PLEKHA5: variants seen among roughly 807,000 people sequenced by gnomAD.
PLEKHA5 encodes the protein pleckstrin homology domain-containing family A member 5.
In PLEKHA5, 55 loss-of-function variants were observed where a neutral mutation model predicts 181.9. That is an observed-to-expected ratio of 0.30 (90% CI 0.24 to 0.38). The LOEUF (loss-of-function observed/expected upper bound fraction) is 0.38. Ranked by LOEUF, PLEKHA5 falls within the 10% of genes least tolerant of loss-of-function variation. The pLI, the probability that PLEKHA5 is intolerant of heterozygous loss-of-function variation, is 1.00. For missense variants in PLEKHA5, 1,432 were observed against 1,549.5 expected (o/e 0.92, Z 1.27); for synonymous variants, 535 against 529.4 (o/e 1.01, Z -0.15).
intron 15 of PLEKHA5, among the ~76,000 whole-genome samples, chr12:19,299,799 TC>T (rs1188029884): frequency 6.6e-6 from 1 of 152,178 alleles, no homozygotes; most frequent in Non-Finnish European, 1.5e-5. Context: ...CATTTGATCT[TC>T]CTAAAGCTCC....
chr12:19,283,339 C>T lies in PLEKHA5; in HGVS notation c.1373C>T (p.Ala458Val), dbSNP rs773997429. ...CCAAGTCACAGAGCCCAGATTATGG[C>T]CCGCTACCCTGAAGGTTATAGAACA... ...NMPSHRAQIM[A>V]RYPEGYRTLP... Residue 458 changes from alanine (A) to valine (V), a missense_variant, in exon 12 of 32, where the codon GCC becomes GTC. Around this residue, in one of 2 missense-constraint regions of PLEKHA5, gnomAD observed 1,143 missense variants for 1,168.4 expected, o/e 0.98. Coordinates refer to ENST00000429027, the MANE Select transcript of PLEKHA5 (RefSeq NM_001256470.2). 9 of 1,613,624 alleles carry T rather than the reference C, an allele frequency of 5.6e-6. No individual in the cohort carries two copies.
chr12:19,270,335 G>A, intron 10 of PLEKHA5, 130 bp downstream of exon 10: 2 of 454,592 alleles, frequency 4.4e-6, no homozygotes, highest in Non-Finnish European at 7.5e-6. Context: ...CTGTAATAGT[G>A]TGTTGATGTT....
At chr12:19,218,998 T>C (rs1246455506) in intron 3 of PLEKHA5, among the ~76,000 whole-genome samples, 1 of 151,656 alleles carries the variant, frequency 6.6e-6, no homozygotes, top group Non-Finnish European at 1.5e-5. Flanking sequence ...ATTGTGCAGG[T>C]TACAAATAAT....
chr12:19,276,520 A>G (rs1035158820), intron 11 of PLEKHA5, among the ~76,000 whole-genome samples: 1 of 152,146 alleles, frequency 6.6e-6, no homozygotes, highest in African/African-American at 2.4e-5. Context: ...GTGAAACCCC[A>G]TGTCTACTAA....
chr12:19,134,103 A>G (rs942579407), intron 3 of PLEKHA5, among the ~76,000 whole-genome samples: 1 of 152,026 alleles, frequency 6.6e-6, no homozygotes, highest in African/African-American at 2.4e-5. Context: ...TGTTTATTTG[A>G]TAGTACAAAA....
intron 26 of PLEKHA5, among the ~76,000 whole-genome samples, chr12:19,356,104 G>A (rs564353575): frequency 7.2e-4 from 109 of 151,704 alleles, no homozygotes; most frequent in Non-Finnish European, 1.3e-3. Context: ...GGCGGAGGTC[G>A]CAGTGAGTCG....
rs761278191 is a variant in PLEKHA5 at position 19,129,784 on chromosome 12, C to A, written c.-16C>A. ...CGGCAGCAGGAGAAGGCGGCGGCGGCGGCTAGGGATCAGACATGGCGGCGG... is the reference window on the plus strand; with the variant it reads ...CGGCAGCAGGAGAAGGCGGCGGCGGAGGCTAGGGATCAGACATGGCGGCGG... On this transcript the variant is annotated 5_prime_UTR_variant, in exon 1 of 32. Transcript: ENST00000429027. The A allele has an allele frequency of 2.5e-6, 4 of 1,582,412 alleles. No individual in the cohort carries two copies. Among genetic ancestry groups the A allele is most frequent in the Non-Finnish European group, 3.4e-6 (4 of 1,162,200 alleles).
intron 21 of PLEKHA5, among the ~76,000 whole-genome samples, chr12:19,337,651 C>T (rs10841210): frequency 0.65 from 98,510 of 151,816 alleles, 35,636 homozygotes; most frequent in Non-Finnish European, 0.83. Context: ...AGTTACGTCA[C>T]GCTTATGACC....
chr12:19,132,132 A>C (rs191078721), intron 2 of PLEKHA5, among the ~76,000 whole-genome samples: 1 of 152,230 alleles, frequency 6.6e-6, no homozygotes, highest in African/African-American at 2.4e-5. Context: ...GCCAGAACAT[A>C]GTTCCTCTCC....
chr12:19,265,969 A>G (rs1160545657), intron 8 of PLEKHA5, 119 bp downstream of exon 8: 2 of 503,258 alleles, frequency 4.0e-6, no homozygotes, highest in African/African-American at 4.0e-5. Flanking sequence ...TTTAAAATAT[A>G]TTAATTAATG....
chr12:19,280,361 A>G (rs2075785027), intron 11 of PLEKHA5, among the ~76,000 whole-genome samples: 3 of 152,100 alleles, frequency 2.0e-5, no homozygotes, highest in African/African-American at 7.2e-5. Flanking sequence ...ACTATAATAT[A>G]TCAGTATTTG....
chr12:19,198,074 C>T (rs1288937012), intron 3 of PLEKHA5, among the ~76,000 whole-genome samples: 1 of 152,126 alleles, frequency 6.6e-6, no homozygotes, highest in African/African-American at 2.4e-5. Context: ...CTGTGGCAGC[C>T]TCTTTGCTTT....
intron 3 of PLEKHA5, among the ~76,000 whole-genome samples, chr12:19,184,413 A>G (rs2049338848): frequency 6.6e-6 from 1 of 152,166 alleles, no homozygotes; most frequent in South Asian, 2.1e-4. Context: ...GGCTATTTGT[A>G]CTTGGATGTA....
intron 3 of PLEKHA5, among the ~76,000 whole-genome samples, chr12:19,185,929 A>G (rs946138479): frequency 1.3e-5 from 2 of 152,224 alleles, no homozygotes; most frequent in Non-Finnish European, 2.9e-5. Flanking sequence ...ATCAAGAATT[A>G]ACACATTTAT....
intron 30 of PLEKHA5, among the ~76,000 whole-genome samples, chr12:19,368,178 C>T (rs1416601135): frequency 1.3e-5 from 2 of 152,072 alleles, no homozygotes; most frequent in Non-Finnish European, 2.9e-5. Flanking sequence ...ACTGCCTTTT[C>T]CTTTGCCTCT....
At chr12:19,325,344 C>T (rs2091842814) in intron 20 of PLEKHA5, among the ~76,000 whole-genome samples, 1 of 152,010 alleles carries the variant, frequency 6.6e-6, no homozygotes, top group Non-Finnish European at 1.5e-5. Context: ...GATTGTGCCA[C>T]TGCACTCCAG....
chr12:19,194,329 T>C (rs2052083666), intron 3 of PLEKHA5, among the ~76,000 whole-genome samples: 1 of 152,238 alleles, frequency 6.6e-6, no homozygotes, highest in Non-Finnish European at 1.5e-5. Flanking sequence ...GCACATTTAC[T>C]TTATCCAGTC....
intron 3 of PLEKHA5, among the ~76,000 whole-genome samples, chr12:19,167,866 T>C (rs1388787406): frequency 6.6e-6 from 1 of 152,166 alleles, no homozygotes; most frequent in Non-Finnish European, 1.5e-5. Context: ...TACTTGTCAT[T>C]GGGTGGCTGG....
At chr12:19,181,466 ATTT>A (rs1328480356) in intron 3 of PLEKHA5, among the ~76,000 whole-genome samples, 8 of 152,198 alleles carry the variant, frequency 5.3e-5, no homozygotes, top group African/African-American at 1.9e-4. Flanking sequence ...TGTATTGGTT[ATTT>A]TGATATTTTA....
Sources: gnomAD v4.1 joint callset for allele counts (sites outside exome capture counted in the v4.1 genomes callset) on GRCh38, gnomAD v4.1.1 for gene constraint, gnomAD v4.1.1 regional missense constraint, MANE v1.5 for transcripts, NCBI Gene and HGNC (gene_info 2026-07-23, HGNC 2026-07-21) for gene names.